Variants in CHN2 observed in about 807,000 individuals in gnomAD.
CHN2 encodes beta-chimaerin.
A neutral mutation model predicts 56.3 loss-of-function variants in CHN2; 35 were observed. The ratio of observed to expected loss-of-function variants is 0.62; its 90% CI spans 0.47 to 0.82. CHN2 has a LOEUF of 0.82. CHN2 is among the 40% of genes least tolerant of loss of function. The pLI, the probability that CHN2 is intolerant of heterozygous loss-of-function variation, is 0.00. For missense variants in CHN2, 491 were observed against 580.5 expected, an observed-to-expected ratio of 0.85 and a Z score of 1.58; for synonymous variants, 210 against 212.8, an observed-to-expected ratio of 0.99 and a Z score of 0.12.
At chr7:29,194,772 T>A, upstream of CHN2, 1 of 484,420 alleles carries the variant, frequency 2.1e-6, no homozygotes, top group Non-Finnish European at 3.4e-6. Flanking sequence ...CAGCGCGTCA[T>A]CTGGTGGAGC....
intron 6 of CHN2, among the ~76,000 whole-genome samples, chr7:29,444,542 TC>T (rs543057674): frequency 1.8e-3 from 273 of 152,296 alleles, no homozygotes; most frequent in African/African-American, 6.4e-3. Flanking sequence ...AGTGCCTCAT[TC>T]TCTCTCTCCA....
intron 3 of CHN2, among the ~76,000 whole-genome samples, chr7:29,378,448 C>T (rs1006538875): frequency 2.0e-5 from 3 of 152,156 alleles, no homozygotes; most frequent in Non-Finnish European, 4.4e-5. Flanking sequence ...CTAGCATAGG[C>T]GTTGGTCAGC....
intron 1 of CHN2, among the ~76,000 whole-genome samples, chr7:29,252,187 AT>A (rs3046893): frequency 1.0e-3 from 117 of 113,884 alleles, no homozygotes; most frequent in South Asian, 6.7e-3. Context: ...ATTATACAGG[AT>A]TTTTTTTTTT....
At chr7:29,207,216 ATAGGT>A (rs1172432335) in intron 1 of CHN2, among the ~76,000 whole-genome samples, 2 of 152,248 alleles carry the variant, frequency 1.3e-5, no homozygotes, top group Non-Finnish European at 2.9e-5. Context: ...ATACAAACCC[ATAGGT>A]TAAGGCCTTC....
intron 6 of CHN2, among the ~76,000 whole-genome samples, chr7:29,461,908 T>G (rs891240524): frequency 1.3e-5 from 2 of 152,064 alleles, no homozygotes; most frequent in Non-Finnish European, 2.9e-5. Context: ...TACAGCAGTG[T>G]CTCATACATA....
chr7:29,146,603 C>G (rs1437870123), exon 1 of CHN2: 11 of 1,550,304 alleles, frequency 7.1e-6, no homozygotes, highest in South Asian at 1.2e-5. Context: ...ACCCACAGGG[C>G]AAAAAGTGCG....
chr7:29,192,979 G>C (rs903770093), upstream of CHN2: 16 of 152,260 alleles, frequency 1.1e-4, no homozygotes, highest in Admixed American at 2.0e-4. Flanking sequence ...AACAAGCCAA[G>C]TGTGTGATGG....
intron 9 of CHN2, among the ~76,000 whole-genome samples, chr7:29,500,822 A>G (rs992962145): frequency 1.3e-5 from 2 of 152,200 alleles, no homozygotes; most frequent in Non-Finnish European, 2.9e-5. Flanking sequence ...GATTTAAAAG[A>G]TCTATGCAAT....
chr7:29,401,221 T>C (rs957733322), intron 6 of CHN2: 4 of 186,316 alleles, frequency 2.1e-5, no homozygotes, highest in Non-Finnish European at 4.5e-5. Flanking sequence ...TGAGCCAAGA[T>C]TGTGCCACTG....
At chr7:29,275,304 T>C (rs903721649) in intron 1 of CHN2, among the ~76,000 whole-genome samples, 2 of 152,184 alleles carry the variant, frequency 1.3e-5, no homozygotes, top group Non-Finnish European at 2.9e-5. Flanking sequence ...ATCTGCAAAG[T>C]AGGATTTTCC....
At position 29,254,747 on chromosome 7, in the gene CHN2, C is replaced by A. The variant is rs561286830; in HGVS notation, c.49+59757C>A. ...AGGAGGGGCCAATCTCTCTGTACAG[C>A]CACTGCTTGGCACCGTCTCCTTTCA... is the stretch of plus-strand genomic sequence containing the variant. On this transcript the variant is annotated intron_variant, in intron 1 of 12. Coordinates refer to ENST00000222792, the MANE Select transcript of CHN2 (RefSeq NM_004067.4). 3.0e-4 allele frequency among the ~76,000 whole-genome samples: 45 copies of A among 152,286 alleles called. 1 individual carries two copies. The South Asian group carries it at 8.9e-3, about 30-fold the overall frequency.
At chr7:29,332,521 GCT>G (rs780727907) in intron 1 of CHN2, among the ~76,000 whole-genome samples, 11 of 152,262 alleles carry the variant, frequency 7.2e-5, no homozygotes, top group East Asian at 3.9e-4. Context: ...GGCCTAAAAT[GCT>G]CTCTCGCAAT....
intron 9 of CHN2, among the ~76,000 whole-genome samples, chr7:29,501,992 A>C (rs1244664850): frequency 6.6e-6 from 1 of 152,180 alleles, no homozygotes; most frequent in Non-Finnish European, 1.5e-5. Flanking sequence ...ACTGTACCTC[A>C]TAAGGTGGTT....
intron 3 of CHN2, among the ~76,000 whole-genome samples, chr7:29,389,949 GA>G (rs1486654997): frequency 2.6e-5 from 4 of 151,724 alleles, no homozygotes; most frequent in Non-Finnish European, 5.9e-5. Context: ...AGCTACTCAG[GA>G]GGCTGAGACA....
chr7:29,292,802 T>G (rs1458616554), intron 1 of CHN2: 1 of 434,274 alleles, frequency 2.3e-6, no homozygotes. Context: ...ATTCAAAATA[T>G]GTTCAGAATC....
intron 7 of CHN2, among the ~76,000 whole-genome samples, chr7:29,488,200 C>T (rs1446257559): frequency 6.6e-6 from 1 of 152,220 alleles, no homozygotes; most frequent in Non-Finnish European, 1.5e-5. Flanking sequence ...TGATTCACCT[C>T]TGCTGTGTTT....
At chr7:29,301,917 A>C (rs1793704161) in intron 1 of CHN2, among the ~76,000 whole-genome samples, 1 of 152,200 alleles carries the variant, frequency 6.6e-6, no homozygotes, top group Non-Finnish European at 1.5e-5. Flanking sequence ...CTGCAGCCCT[A>C]GCTAGACTGA....
chr7:29,492,626 T>G (rs867766342), intron 7 of CHN2, among the ~76,000 whole-genome samples: 2 of 152,174 alleles, frequency 1.3e-5, no homozygotes, highest in African/African-American at 4.8e-5. Context: ...AAAAAAGTCC[T>G]TCCTTGACTC....
chr7:29,277,061 C>G (rs1481133593), intron 1 of CHN2, among the ~76,000 whole-genome samples: 2 of 152,182 alleles, frequency 1.3e-5, no homozygotes, highest in Non-Finnish European at 2.9e-5. Context: ...GAACACTTCA[C>G]TGATCATGCA....
Sources: gnomAD v4.1 joint callset for allele counts (sites outside exome capture counted in the v4.1 genomes callset) on GRCh38, gnomAD v4.1.1 for gene constraint, MANE v1.5 for transcripts, NCBI Gene and HGNC (gene_info 2026-07-23, HGNC 2026-07-21) for gene names.